The following AHI1 variants were observed in gnomAD, a reference collection of about 807,000 sequenced individuals.
AHI1 encodes the protein jouberin.
In AHI1, 123 loss-of-function variants were observed where a neutral mutation model predicts 149.3. The observed-to-expected ratio is 0.82, with a 90% CI of 0.71 to 0.96. The LOEUF (loss-of-function observed/expected upper bound fraction) is 0.96, where lower values mean the gene tolerates loss of function less well. Ranked by LOEUF, AHI1 falls within the 40% of genes least tolerant of loss-of-function variation. AHI1 has a pLI of 0.00. For missense variants in AHI1, 1,439 were observed against 1,422.7 expected (o/e 1.01, Z -0.18); for synonymous variants, 475 against 459.8 (o/e 1.03, Z -0.42).
At chr6:135,396,035 A>G (rs1255206720) in intron 22 of AHI1, among the ~76,000 whole-genome samples, 1 of 151,718 alleles carries the variant, frequency 6.6e-6, no homozygotes, top group Non-Finnish European at 1.5e-5. Flanking sequence ...TTAAACAGTG[A>G]TAATAAACAG....
intron 10 of AHI1, among the ~76,000 whole-genome samples, 195 bp downstream of exon 10, chr6:135,455,539 C>T (rs1259473714): frequency 6.6e-6 from 1 of 152,170 alleles, no homozygotes; most frequent in Non-Finnish European, 1.5e-5. Flanking sequence ...ATAGTAAACA[C>T]TCAGCAAATA....
intron 5 of AHI1, 106 bp downstream of exon 5, chr6:135,490,503 ATGACATAGTGTTAC>A: frequency 8.6e-7 from 1 of 1,167,148 alleles, no homozygotes; most frequent in Admixed American, 1.9e-5. Context: ...GTTATTGACC[ATGACATAGTGTTAC>A]TGTTTTTAAT....
At chr6:135,399,403 A>G (rs1425539947) in intron 22 of AHI1, among the ~76,000 whole-genome samples, 2 of 152,178 alleles carry the variant, frequency 1.3e-5, no homozygotes, top group Non-Finnish European at 2.9e-5. Flanking sequence ...AACCGGGTAC[A>G]ACAAAGCTTG....
At chr6:135,461,438 A>T (rs1291566876) in intron 8 of AHI1, among the ~76,000 whole-genome samples, 3 of 152,076 alleles carry the variant, frequency 2.0e-5, no homozygotes, top group Admixed American at 2.0e-4. Flanking sequence ...ACAGTATTAC[A>T]TGTTGGTAAA....
intron 27 of AHI1, among the ~76,000 whole-genome samples, chr6:135,295,496 C>G (rs2128344475): frequency 6.6e-6 from 1 of 152,284 alleles, no homozygotes; most frequent in South Asian, 2.1e-4. Flanking sequence ...TATGTTCACA[C>G]AAAGACTTGT....
chr6:135,488,074 G>C (rs114208201), intron 5 of AHI1, among the ~76,000 whole-genome samples: 3,923 of 152,164 alleles, frequency 0.026, 148 homozygotes, highest in African/African-American at 0.087. Flanking sequence ...TGTTTTTACA[G>C]AGAAGTCTCA....
chr6:135,324,559 T>C (rs1396374322), intron 24 of AHI1, among the ~76,000 whole-genome samples: 1 of 148,622 alleles, frequency 6.7e-6, no homozygotes, highest in Non-Finnish European at 1.5e-5. Context: ...TACATATATA[T>C]ATATATATAT....
intron 23 of AHI1, among the ~76,000 whole-genome samples, chr6:135,389,680 TTTTG>T (rs1234981857): frequency 1.3e-5 from 2 of 152,224 alleles, no homozygotes; most frequent in Admixed American, 6.5e-5. Flanking sequence ...ATTCATTTTC[TTTTG>T]TTTGACTCGA....
intron 23 of AHI1, among the ~76,000 whole-genome samples, chr6:135,381,742 G>A (rs916025274): frequency 3.3e-5 from 5 of 152,054 alleles, no homozygotes; most frequent in Admixed American, 1.3e-4. Flanking sequence ...TGTTTTATAC[G>A]CATGCCCTGT....
intron 26 of AHI1, among the ~76,000 whole-genome samples, chr6:135,305,847 T>A (rs1784473634): frequency 1.3e-5 from 2 of 152,220 alleles, no homozygotes; most frequent in African/African-American, 4.8e-5. Flanking sequence ...CAACCTTGCA[T>A]CCTAAGCTGC....
At chr6:135,466,404 C>T in intron 6 of AHI1, 31 bp from the exon 7 acceptor site, 1 of 1,563,532 alleles carries the variant, frequency 6.4e-7, no homozygotes, top group Non-Finnish European at 8.8e-7. Flanking sequence ...AACAAAGTTT[C>T]AGTTACACAT....
At chr6:135,302,662 A>G (rs1271878088) in intron 26 of AHI1, 1 of 1,178,972 alleles carries the variant, frequency 8.5e-7, no homozygotes, top group Non-Finnish European at 1.1e-6. Context: ...CTTGAAAAGG[A>G]CACTTACTTA....
chr6:135,365,134 T>C (rs1305695357), intron 23 of AHI1, among the ~76,000 whole-genome samples: 1 of 152,212 alleles, frequency 6.6e-6, no homozygotes, highest in Admixed American at 6.5e-5. Flanking sequence ...GGCTGTTAAG[T>C]ATGTGGGTTT....
chr6:135,490,560 G>A (rs547604518), intron 5 of AHI1, 63 bp downstream of exon 5: 1 of 1,578,516 alleles, frequency 6.3e-7, no homozygotes, highest in South Asian at 1.1e-5. Flanking sequence ...AACATAAAAT[G>A]CAGCCATATC....
chr6:135,422,876 T>C (rs1374773386), intron 20 of AHI1, among the ~76,000 whole-genome samples: 1 of 151,924 alleles, frequency 6.6e-6, no homozygotes, highest in African/African-American at 2.4e-5. Context: ...AATGTTGAAA[T>C]TGAAAACCAA....
intron 28 of AHI1, among the ~76,000 whole-genome samples, chr6:135,289,957 G>C (rs1186398602): frequency 6.6e-6 from 1 of 151,620 alleles, no homozygotes. Context: ...GGTGGAAAAA[G>C]TGGCCCACTC....
At chr6:135,465,168 C>G (rs905859985) in intron 7 of AHI1, among the ~76,000 whole-genome samples, 1 of 152,072 alleles carries the variant, frequency 6.6e-6, no homozygotes, top group Non-Finnish European at 1.5e-5. Flanking sequence ...AGTTGTTTCT[C>G]TAGAGGAGAA....
In AHI1 at chr6:135,289,998, C is replaced by A. The variant is rs1431769439; in HGVS notation, c.3588+425G>T. Among the ~76,000 whole-genome samples, 4 of 152,028 alleles carry A rather than the reference C, an allele frequency of 2.6e-5. No individual in the cohort carries two copies. The East Asian group carries it at 7.7e-4, about 29-fold the overall frequency. Reference sequence around the variant, plus strand: ...CTGTAATCCTCTGGAGTTCCTTAGGCCCCCAGGGACTATCACTCTGCTCCG... The same window carrying A: ...CTGTAATCCTCTGGAGTTCCTTAGGACCCCAGGGACTATCACTCTGCTCCG... On this transcript the variant is annotated intron_variant, in intron 28 of 28. Coordinates refer to ENST00000265602, the MANE Select transcript of AHI1 (RefSeq NM_001134831.2).
intron 15 of AHI1, 78 bp downstream of exon 15, chr6:135,438,297 A>T: frequency 7.7e-7 from 1 of 1,303,244 alleles, no homozygotes; most frequent in Non-Finnish European, 1.0e-6. Context: ...GCATAAGAGT[A>T]GTTACATCAG....
Sources: allele counts gnomAD v4.1 joint callset (sites outside exome capture counted in the v4.1 genomes callset), GRCh38; gene constraint gnomAD v4.1.1; transcripts MANE v1.5; gene names NCBI Gene and HGNC (gene_info 2026-07-23, HGNC 2026-07-21).